Variants in ACIN1 observed in about 807,000 individuals in gnomAD.
ACIN1 encodes apoptotic chromatin condensation inducer in the nucleus.
ACIN1 carries 16 observed loss-of-function variants against 146.6 expected under a neutral mutation model. The ratio of observed to expected loss-of-function variants is 0.11; its 90% CI spans 0.07 to 0.17. ACIN1 has a LOEUF of 0.17. Ranked by LOEUF, ACIN1 falls within the 10% of genes least tolerant of loss-of-function variation. The probability of loss-of-function intolerance (pLI) is 1.00; values close to 1 mark genes in which losing one functional copy is unlikely to be tolerated. For missense variants in ACIN1, 1,357 were observed against 1,609.3 expected (o/e 0.84, Z 2.68); for synonymous variants, 569 against 582.7 (o/e 0.98, Z 0.34).
intron 8 of ACIN1, chr14:23,071,741 T>C: frequency 1.7e-6 from 1 of 591,198 alleles, no homozygotes; most frequent in Non-Finnish European, 2.9e-6. Flanking sequence ...CTACAGAGGC[T>C]TAACCCCCCA....
intron 10 of ACIN1, chr14:23,064,708 C>A: frequency 1.8e-6 from 1 of 547,686 alleles, no homozygotes; most frequent in Non-Finnish European, 3.2e-6. Context: ...ACTAGCCTGA[C>A]CAACATGGTG....
At chr14:23,087,121 A>G (rs1274300346) in intron 4 of ACIN1, among the ~76,000 whole-genome samples, 2 of 152,188 alleles carry the variant, frequency 1.3e-5, no homozygotes, top group East Asian at 1.9e-4. Context: ...GAACCCCAAA[A>G]CATTCAAAGC....
At chr14:23,083,362 G>C (rs967450685) in intron 4 of ACIN1, among the ~76,000 whole-genome samples, 4 of 152,028 alleles carry the variant, frequency 2.6e-5, no homozygotes, top group Admixed American at 2.0e-4. Context: ...AAACCACTGT[G>C]CCCGAGTCTC....
rs1225520788 is a variant in ACIN1 at position 23,079,603 on chromosome 14, CTGA to C, written c.1729_1731del (p.Ser577del). On this transcript the variant is annotated inframe_deletion, in exon 6 of 19. Transcript: ENST00000605057. ...CGTGAACGTGACCTTGATCTGGACT[CTGA>C]TGTTGATCTGGAGCCCATCTTGGGT... 5 of 1,612,944 alleles carry C rather than the reference CTGA, an allele frequency of 3.1e-6. No individual in the cohort carries two copies. The highest frequency in any genetic ancestry group is 1.4e-5 in the African/African-American group (1 of 74,056).
At position 23,069,594 on chromosome 14, in the gene ACIN1, A is replaced by G; in HGVS notation, c.2147T>C (p.Met716Thr). ...TTCAGGTCTGTTTTCACTTGTGTCC[A>G]TGGTCACTTCCTCCTTCTCCTCACT... Reference protein sequence around the residue: ...HTVEEKEEVTMDTSENRPEND... With the variant: ...HTVEEKEEVTTDTSENRPEND... Residue 716 changes from methionine (M) to threonine (T), a missense_variant, in exon 9 of 19, where the codon ATG becomes ACG. Met to Thr is a moderately conservative substitution (Grantham distance 81). Transcript: ENST00000605057. 1 of 1,364,256 alleles carries G rather than the reference A, an allele frequency of 7.3e-7. No individual in the cohort carries two copies. The highest frequency in any genetic ancestry group is 9.8e-7 in the Non-Finnish European group (1 of 1,021,264). 84.5% of individuals were successfully genotyped at this position (1,364,256 alleles called of 1,614,324 possible).
In ACIN1 at chr14:23,089,987, G is replaced by GA; in HGVS notation, c.430dup (p.Ser144PhefsTer10). ...GTGGGGAGGGAGATACGTACTGGGCGAATGTCTGCTGAGCTCCAGCTCTGG... is the reference window on the plus strand; with the variant it reads ...GTGGGGAGGGAGATACGTACTGGGCGAAATGTCTGCTGAGCTCCAGCTCTGG... On this transcript the variant is annotated frameshift_variant, in exon 4 of 19. Coordinates refer to ENST00000605057, the MANE Select transcript of ACIN1 (RefSeq NM_001386863.1). LOFTEE classifies it high-confidence loss of function. 6.2e-7 allele frequency: 1 copy of GA among 1,611,226 alleles called. No individual in the cohort carries two copies. The highest frequency in any genetic ancestry group is 8.5e-7 in the Non-Finnish European group (1 of 1,178,674).
In ACIN1 at chr14:23,059,265, A is replaced by G. The variant is rs754339244; in HGVS notation, c.3735T>C (p.Asp1245=). ...GTTCTCGGTCCCTTTCCCTATCCCG[A>G]TCTCGGTCCCCCCTGTCCCGCTCCC... ...RERERDRGDR[D]RDRERDRERG... is the part of the protein sequence containing the mutation. The change falls in exon 19 of 19, where the codon GAT becomes GAC. Residue 1245 remains aspartate, a synonymous_variant. Coordinates refer to ENST00000605057, the MANE Select transcript of ACIN1 (RefSeq NM_001386863.1). The G allele has an allele frequency of 1.9e-6, 3 of 1,605,360 alleles. No homozygotes were observed. Among genetic ancestry groups the G allele is most frequent in the Non-Finnish European group, 2.6e-6 (3 of 1,175,372 alleles).
intron 8 of ACIN1, 136 bp downstream of exon 8, chr14:23,078,015 G>T: frequency 1.3e-6 from 1 of 758,314 alleles, no homozygotes; most frequent in Non-Finnish European, 2.1e-6. Flanking sequence ...CTGAAGTCTA[G>T]CCTTTGTCCA....
At position 23,061,393 on chromosome 14, in the gene ACIN1, T is replaced by C; in HGVS notation, c.3329A>G (p.Asp1110Gly). ...GGAACGGGGCCCTTCTCGAACTTTGTCCCGATCCCATTCACGCTCTGATCG... is the reference window on the plus strand; with the variant it reads ...GGAACGGGGCCCTTCTCGAACTTTGCCCCGATCCCATTCACGCTCTGATCG... ...RTRSEREWDRDKVREGPRSRS... is the reference protein window; with the variant it reads ...RTRSEREWDRGKVREGPRSRS... Residue 1110 changes from aspartate (D) to glycine (G), a missense_variant, in exon 17 of 19, where the codon GAC becomes GGC. Physicochemically the swap from Asp to Gly is moderately conservative, Grantham distance 94. Coordinates refer to ENST00000605057, the MANE Select transcript of ACIN1 (RefSeq NM_001386863.1). 6.2e-7 allele frequency: 1 copy of C among 1,614,044 alleles called. No homozygotes were observed. The highest frequency in any genetic ancestry group is 8.5e-7 in the Non-Finnish European group (1 of 1,180,000).
rs2047175343 is a variant in ACIN1, at chr14:23,058,805, TG to T, written c.*342del. 6.1e-6 allele frequency: 2 copies of T among 326,418 alleles called. No individual in the cohort carries two copies. Among genetic ancestry groups the T allele is most frequent in the South Asian group, 1.0e-4 (2 of 19,932 alleles). 20.2% of individuals were successfully genotyped at this position (326,418 alleles called of 1,614,324 possible). A position where few individuals can be genotyped will look rare whatever the true frequency, so the allele number is the denominator to read the frequency against. ...GCCCCGGCTGTTCCCAAGAGAAGGC[TG>T]TAAGTACCCAGGGAGGTGGTAAGCA... On this transcript the variant is annotated 3_prime_UTR_variant, in exon 19 of 19. Coordinates refer to ENST00000605057, the MANE Select transcript of ACIN1 (RefSeq NM_001386863.1).
chr14:23,063,168 C>T, intron 13 of ACIN1, 94 bp from the exon 14 acceptor site: 2 of 1,374,896 alleles, frequency 1.5e-6, no homozygotes. Context: ...TTCTTTTATA[C>T]CAAGCAGCCA....
At chr14:23,075,145 C>A (rs1362337372) in intron 8 of ACIN1, among the ~76,000 whole-genome samples, 1 of 152,096 alleles carries the variant, frequency 6.6e-6, no homozygotes, top group Non-Finnish European at 1.5e-5. Flanking sequence ...GGAACCAATA[C>A]CTTCCTCCTA....
At chr14:23,090,731 C>A in intron 2 of ACIN1, 98 bp from the exon 3 acceptor site, 1 of 839,940 alleles carries the variant, frequency 1.2e-6, no homozygotes, top group Non-Finnish European at 1.8e-6. Flanking sequence ...CTTATAGTTG[C>A]GCCCAAGAAA....
chr14:23,091,465 T>C (rs1372793138), intron 2 of ACIN1, among the ~76,000 whole-genome samples: 2 of 151,258 alleles, frequency 1.3e-5, no homozygotes, highest in Non-Finnish European at 2.9e-5. Context: ...CATATTGTGG[T>C]GTGAGTCTGT....
At chr14:23,077,608 C>T (rs544076448) in intron 8 of ACIN1, among the ~76,000 whole-genome samples, 153 of 152,224 alleles carry the variant, frequency 1.0e-3, no homozygotes, top group Non-Finnish European at 1.1e-3. Context: ...GTCTTAAGGG[C>T]CCAGGAACAA....
At chr14:23,088,435 T>C (rs2140221270) in intron 4 of ACIN1, among the ~76,000 whole-genome samples, 1 of 152,340 alleles carries the variant, frequency 6.6e-6, no homozygotes, top group South Asian at 2.1e-4. Context: ...ACCTTAAAAC[T>C]AGACTCAAAG....
rs1424765371 is a variant in ACIN1, at chr14:23,079,311, G to C, written c.1788+236C>G. On this transcript the variant is annotated intron_variant, in intron 6 of 18. Transcript: ENST00000605057. The stretch of plus-strand genomic sequence containing the variant: ...CAAGAAGTTTCCATCTAGTGGAGGA[G>C]ATGAGTACATAAATTCAACATTCTA... Among the ~76,000 whole-genome samples, 6 of 152,174 alleles carry C rather than the reference G, an allele frequency of 3.9e-5. No homozygotes were observed. In the East Asian group the frequency reaches 1.2e-3, roughly 29 times the overall value.
chr14:23,095,245 C>T, upstream of ACIN1: 1 of 1,608,652 alleles, frequency 6.2e-7, no homozygotes, highest in Non-Finnish European at 8.5e-7. Context: ...TCAGAACTCC[C>T]CGGGTTCCTC....
chr14:23,069,446 C>A, intron 9 of ACIN1, 30 bp downstream of exon 9: 1 of 1,607,110 alleles, frequency 6.2e-7, no homozygotes, highest in Non-Finnish European at 8.5e-7. Flanking sequence ...TTCCTGCCCA[C>A]CCGCCCCAAT....
Sources: allele counts gnomAD v4.1 joint callset (sites outside exome capture counted in the v4.1 genomes callset), GRCh38; gene constraint gnomAD v4.1.1; transcripts MANE v1.5; gene names NCBI Gene and HGNC (gene_info 2026-07-23, HGNC 2026-07-21).